VAMP1: variants seen among roughly 807,000 people sequenced by gnomAD.
The protein encoded by VAMP1 is vesicle associated membrane protein 1.
Under a neutral mutation model 19.1 loss-of-function variants are expected in VAMP1, and 16 were observed. The ratio of observed to expected loss-of-function variants is 0.84; its 90% CI spans 0.57 to 1.27. The LOEUF is 1.27. Among genes scored for constraint, VAMP1 ranks in the 50% most tolerant of loss-of-function variants. The pLI is 0.00. For synonymous variants in VAMP1, 37 were observed against 50.2 expected (o/e 0.74, Z 1.11); for missense variants, 109 against 145.4 (o/e 0.75, Z 1.29).
chr12:6,465,411 TATGTATATATATATATAA>T (rs1949990702), intron 3 of VAMP1: 1 of 70,328 alleles, frequency 1.4e-5, no homozygotes, highest in African/African-American at 4.5e-5. Context: ...AATGTATATA[TATGTATATATATATATAA>T]ATGTATATAT....
rs1334404167 is a variant in VAMP1, at chr12:6,466,244, G to A, written c.110C>T (p.Thr37Ile). 2 of 1,614,088 alleles carry A rather than the reference G, an allele frequency of 1.2e-6. No individual in the cohort carries two copies. Among genetic ancestry groups the A allele is most frequent in the East Asian group, 2.2e-5 (1 of 44,894 alleles). Residue 37 changes from threonine to isoleucine, a missense_variant, in exon 2 of 5, where the codon ACC (threonine) becomes ATC (isoleucine). Thr to Ile is a moderately conservative substitution (Grantham distance 89, BLOSUM62 -1). Transcript: ENST00000396308. ...ACCTACCTCCTCCACTTGTGCCTGG[G>A]TTTGCTGTAGTCGTCTGTTACTGGT... is the stretch of plus-strand genomic sequence containing the variant. Reference protein sequence around the residue: ...NMTSNRRLQQTQAQVEEVVDI... With the variant: ...NMTSNRRLQQIQAQVEEVVDI...
rs774269433 is a variant in VAMP1, at chr12:6,466,243, G to A, written c.111C>T (p.Thr37=). The A allele has an allele frequency of 5.0e-6, 8 of 1,614,070 alleles. No individual in the cohort carries two copies. The African/African-American group carries it at 5.3e-5, about 11-fold the overall frequency. ...TACCTACCTCCTCCACTTGTGCCTG[G>A]GTTTGCTGTAGTCGTCTGTTACTGG... ...NMTSNRRLQQ[T]QAQVEEVVDI... The change falls in exon 2 of 5, where the codon ACC becomes ACT. Residue 37 remains threonine, a synonymous_variant. Transcript: ENST00000396308.
At chr12:6,465,158 GA>G in intron 3 of VAMP1, 1 of 609,052 alleles carries the variant, frequency 1.6e-6, no homozygotes. Flanking sequence ...TTCATCACAG[GA>G]CCTGCATTGA....
chr12:6,470,237 G>A (rs1945736640), intron 1 of VAMP1, among the ~76,000 whole-genome samples: 1 of 151,736 alleles, frequency 6.6e-6, no homozygotes, highest in Non-Finnish European at 1.5e-5. Context: ...CCCTCTCCGA[G>A]TCTCCACTAT....
chr12:6,464,745 G>C (rs574629519), intron 4 of VAMP1, 145 bp downstream of exon 4: 1 of 1,521,842 alleles, frequency 6.6e-7, no homozygotes, highest in Non-Finnish European at 8.8e-7. Flanking sequence ...CCCTTCCCCC[G>C]TCCCGAACCA....
chr12:6,463,404 A>C lies in VAMP1; in HGVS notation c.*1066T>G, dbSNP rs1488891937. 64 of 1,058,636 alleles carry C rather than the reference A, an allele frequency of 6.0e-5. No individual in the cohort carries two copies. The highest frequency in any genetic ancestry group is 7.0e-5 in the Non-Finnish European group (61 of 873,288). 65.6% of individuals were successfully genotyped at this position (1,058,636 alleles called of 1,614,324 possible). A position where few individuals can be genotyped will look rare whatever the true frequency, so the allele number is the denominator to read the frequency against. On this transcript the variant is annotated 3_prime_UTR_variant, in exon 5 of 5. Coordinates refer to ENST00000396308, the MANE Select transcript of VAMP1 (RefSeq NM_014231.5). This position sits in a 1 kb window ranked among gnomAD's most constrained non-coding sequence, Gnocchi z 4.0. The stretch of plus-strand genomic sequence containing the variant: ...GGCCCCAGGAAGAACCACTTGCCTC[A>C]TCCCTGTCTTTGGCAAGTGCACGGG...
chr12:6,464,484 AGACTG>A lies in VAMP1; in HGVS notation c.341-3_342del. ...GTGGTACATTCTCAAGTAAAAAAGT[AGACTG>A]GACACAGGAATCAGGAAGTCCCAGA... On this transcript the variant is annotated splice_acceptor_variant and splice_polypyrimidine_tract_variant and coding_sequence_variant and intron_variant, in exon 5 of 5. Transcript: ENST00000396308. LOFTEE classifies it high-confidence loss of function. The A allele has an allele frequency of 6.5e-7, 1 of 1,532,380 alleles. No homozygotes were observed. The highest frequency in any genetic ancestry group is 8.8e-7 in the Non-Finnish European group (1 of 1,138,348). 94.9% of individuals were successfully genotyped at this position (1,532,380 alleles called of 1,614,324 possible). A position where few individuals can be genotyped will look rare whatever the true frequency, so the allele number is the denominator to read the frequency against.
At position 6,462,795 on chromosome 12, in the gene VAMP1, G is replaced by A. The variant is rs1395485327; in HGVS notation, c.*1675C>T. On this transcript the variant is annotated 3_prime_UTR_variant, in exon 5 of 5. Coordinates refer to ENST00000396308, the MANE Select transcript of VAMP1 (RefSeq NM_014231.5). ...AGGAGAGTGGAGACCTTCGAGGGGG[G>A]CCGTTGGGAGGGTACTGACTGCTTT... The A allele has an allele frequency of 1.3e-6, 2 of 1,584,212 alleles. No individual in the cohort carries two copies. The highest frequency in any genetic ancestry group is 1.7e-6 in the Non-Finnish European group (2 of 1,162,604).
At chr12:6,470,254 A>G (rs569029941) in intron 1 of VAMP1, among the ~76,000 whole-genome samples, 1 of 151,996 alleles carries the variant, frequency 6.6e-6, no homozygotes, top group East Asian at 1.9e-4. Context: ...CTATACCAAA[A>G]CCAGAATGAG....
At chr12:6,465,793 T>C in intron 3 of VAMP1, 49 bp downstream of exon 3, 2 of 1,606,738 alleles carry the variant, frequency 1.2e-6, no homozygotes, top group Non-Finnish European at 1.7e-6. Context: ...TCTTGCCTTC[T>C]ACCAGTGGAA....
chr12:6,466,461 G>A, intron 1 of VAMP1, 110 bp from the exon 2 acceptor site: 1 of 1,272,380 alleles, frequency 7.9e-7, no homozygotes, highest in Non-Finnish European at 1.1e-6. Flanking sequence ...AGTGGGAGGA[G>A]CGCTTGAGCC....
At position 6,462,368 on chromosome 12, in the gene VAMP1, A is replaced by C. The variant is rs1419299540; in HGVS notation, c.*2102T>G. The C allele has an allele frequency of 2.0e-6, 1 of 510,270 alleles. No homozygotes were observed. Among genetic ancestry groups the C allele is most frequent in the Non-Finnish European group, 3.5e-6 (1 of 286,512 alleles). 31.6% of individuals were successfully genotyped at this position (510,270 alleles called of 1,614,324 possible). On this transcript the variant is annotated 3_prime_UTR_variant, in exon 5 of 5. Coordinates refer to ENST00000396308, the MANE Select transcript of VAMP1 (RefSeq NM_014231.5). The stretch of plus-strand genomic sequence containing the variant: ...AAGTATGAGATCAGGGTTAGGAAAA[A>C]AAGACAAAGAGGTGATGACAGACAC...
intron 1 of VAMP1, among the ~76,000 whole-genome samples, chr12:6,468,939 A>T (rs1945699136): frequency 6.6e-6 from 1 of 152,236 alleles, no homozygotes; most frequent in Non-Finnish European, 1.5e-5. Flanking sequence ...TCCAAGAGTA[A>T]ATGCAACAAA....
intron 1 of VAMP1, 180 bp from the exon 2 acceptor site, chr12:6,466,531 AAAAG>A: frequency 1.8e-6 from 1 of 567,498 alleles, no homozygotes; most frequent in South Asian, 2.4e-5. Flanking sequence ...AAAACAGACA[AAAAG>A]AAAGGACTCA....
At chr12:6,467,678 T>C (rs1945661777) in intron 1 of VAMP1, among the ~76,000 whole-genome samples, 1 of 152,214 alleles carries the variant, frequency 6.6e-6, no homozygotes, top group South Asian at 2.1e-4. Flanking sequence ...CTCCAGGCCA[T>C]GTCAGAAGCC....
chr12:6,467,932 T>C (rs1017715782), intron 1 of VAMP1, among the ~76,000 whole-genome samples: 2 of 151,972 alleles, frequency 1.3e-5, no homozygotes, highest in African/African-American at 4.8e-5. Context: ...AGGCAAGAAC[T>C]GAGGTTCGGG....
intron 1 of VAMP1, 59 bp downstream of exon 1, chr12:6,470,471 G>A (rs1945745193): frequency 1.1e-5 from 17 of 1,612,456 alleles, no homozygotes; most frequent in Non-Finnish European, 1.4e-5. Flanking sequence ...CGCAGAATCG[G>A]GAGCTTGGGG....
At chr12:6,469,886 A>AC (rs1945727403) in intron 1 of VAMP1, among the ~76,000 whole-genome samples, 1 of 152,224 alleles carries the variant, frequency 6.6e-6, no homozygotes, top group South Asian at 2.1e-4. Context: ...ACTCGGTGAT[A>AC]GAAAAACATC....
Position 6,465,830 on chromosome 12 carries a change from A to C in VAMP1, c.288+12T>G, listed in dbSNP as rs754428604. 26 of 1,613,530 alleles carry C rather than the reference A, an allele frequency of 1.6e-5. No homozygotes were observed. Among genetic ancestry groups the C allele is most frequent in the Non-Finnish European group, 2.0e-5 (24 of 1,179,816 alleles). ...CCCAGGAAAAGATGGAGGAGGGGAC[A>C]AGAAAATTCACCTTGCAGTTTTTCC... is the stretch of plus-strand genomic sequence containing the variant. On this transcript the variant is annotated intron_variant, in intron 3 of 4. Transcript: ENST00000396308.
Sources: gnomAD v4.1 joint callset for allele counts (sites outside exome capture counted in the v4.1 genomes callset) on GRCh38, gnomAD v4.1.1 for gene constraint, Gnocchi (gnomAD v3.1) non-coding constraint, MANE v1.5 for transcripts, NCBI Gene and HGNC (gene_info 2026-07-23, HGNC 2026-07-21) for gene names.